Variants in KIAA0513 observed in about 807,000 individuals in gnomAD.
The protein encoded by KIAA0513 is KIAA0513.
Under a neutral mutation model 56.5 loss-of-function variants are expected in KIAA0513, and 39 were observed. The ratio of observed to expected loss-of-function variants is 0.69; its 90% CI spans 0.53 to 0.90. The LOEUF is 0.90. Ranked by LOEUF, KIAA0513 falls within the 40% of genes least tolerant of loss-of-function variation. The probability of loss-of-function intolerance (pLI) is 0.00; values close to 1 mark genes in which losing one functional copy is unlikely to be tolerated. For synonymous variants in KIAA0513, 268 were observed against 215.6 expected (o/e 1.24, Z -2.13); for missense variants, 591 against 535.2 (o/e 1.10, Z -1.03).
At chr16:85,067,888 G>A (rs1260854559) in intron 2 of KIAA0513, among the ~76,000 whole-genome samples, 2 of 151,660 alleles carry the variant, frequency 1.3e-5, no homozygotes, top group East Asian at 3.9e-4. Context: ...TCAGCTTAAT[G>A]CAAGCTCTGC....
At chr16:85,080,520 A>G (rs1456874417) in intron 8 of KIAA0513, among the ~76,000 whole-genome samples, 5 of 152,242 alleles carry the variant, frequency 3.3e-5, no homozygotes, top group Non-Finnish European at 1.5e-5. Context: ...TCTGCTGGGC[A>G]CAGTGGCTCA....
intron 1 of KIAA0513, among the ~76,000 whole-genome samples, chr16:85,029,035 G>A (rs796638465): frequency 5.3e-5 from 8 of 152,336 alleles, no homozygotes; most frequent in African/African-American, 1.7e-4. Flanking sequence ...GCATGTGAGC[G>A]TTCCTTCCTG....
At chr16:85,072,825 G>A in intron 3 of KIAA0513, 100 bp from the exon 4 acceptor site, 1 of 1,180,588 alleles carries the variant, frequency 8.5e-7, no homozygotes, top group Non-Finnish European at 1.3e-6. Context: ...CCCCATCCCA[G>A]CTGCATTTGG....
At chr16:85,084,331 T>C (rs1335424863) in intron 10 of KIAA0513, among the ~76,000 whole-genome samples, 3 of 150,716 alleles carry the variant, frequency 2.0e-5, no homozygotes, top group Admixed American at 1.3e-4. Flanking sequence ...CTGTAACCTC[T>C]GCCTCCCAGG....
intron 8 of KIAA0513, chr16:85,079,302 C>T (rs962179571): frequency 2.0e-5 from 8 of 394,308 alleles, no homozygotes; most frequent in African/African-American, 1.4e-4. Flanking sequence ...TCCTAGGAGT[C>T]GCCCAAGAGA....
At chr16:85,072,778 T>C (rs1597631221) in intron 3 of KIAA0513, 147 bp from the exon 4 acceptor site, 1 of 721,312 alleles carries the variant, frequency 1.4e-6, no homozygotes, top group Middle Eastern at 3.1e-4. Context: ...GCAGAAGGGG[T>C]GGGTTCTATA....
chr16:85,039,834 T>A (rs2143861140), intron 1 of KIAA0513, among the ~76,000 whole-genome samples: 1 of 149,690 alleles, frequency 6.7e-6, no homozygotes, highest in Admixed American at 6.6e-5. Flanking sequence ...AAGAAAGGTT[T>A]TCTTTTCTTT....
chr16:85,037,023 GAAT>G (rs2073045070), intron 1 of KIAA0513, among the ~76,000 whole-genome samples: 1 of 152,090 alleles, frequency 6.6e-6, no homozygotes. Context: ...AGCACTGTAG[GAAT>G]AATTTCTAGC....
At chr16:85,046,644 C>G (rs182382271) in intron 1 of KIAA0513, among the ~76,000 whole-genome samples, 15 of 152,348 alleles carry the variant, frequency 9.8e-5, no homozygotes, top group African/African-American at 3.6e-4. Flanking sequence ...CCAGAATGTG[C>G]TTGTCAGGAA....
At position 85,066,891 on chromosome 16, in the gene KIAA0513, C is replaced by G. The variant is rs1157298435; in HGVS notation, c.-172-9C>G. On this transcript the variant is annotated splice_polypyrimidine_tract_variant and intron_variant, in intron 1 of 12. Transcript: ENST00000683363. ...GGCGCTAATGTCTGTGTCTGTGTTT[C>G]CATTCTAGATGCCGTAGGGCCAGGT... 1.9e-6 allele frequency: 1 copy of G among 527,152 alleles called. No individual in the cohort carries two copies. The highest frequency in any genetic ancestry group is 1.9e-5 in the African/African-American group (1 of 52,040). The allele number at this position is 527,152 out of a possible 1,614,324, so 32.7% of individuals were successfully genotyped here.
At chr16:85,052,139 G>T (rs770041149) in intron 1 of KIAA0513, among the ~76,000 whole-genome samples, 1 of 152,044 alleles carries the variant, frequency 6.6e-6, no homozygotes, top group Non-Finnish European at 1.5e-5. Context: ...GGCCAACATG[G>T]TGAAACCCCG....
At position 85,088,534 on chromosome 16, in the gene KIAA0513, T is replaced by G. The variant is rs988372697; in HGVS notation, c.*209T>G. ...TGCGACCCCCATCCATGTGCCAAAG[T>G]GTCCCTTGGGTCACACAGCTAAAGC... On this transcript the variant is annotated 3_prime_UTR_variant, in exon 13 of 13. Transcript: ENST00000683363. The G allele has an allele frequency of 1.7e-6, 1 of 580,518 alleles. No homozygotes were observed. The highest frequency in any genetic ancestry group is 1.9e-5 in the African/African-American group (1 of 53,614). 36.0% of individuals were successfully genotyped at this position (580,518 alleles called of 1,614,324 possible). A position where few individuals can be genotyped will look rare whatever the true frequency, so the allele number is the denominator to read the frequency against.
At position 85,091,029 on chromosome 16, in the gene KIAA0513, C is replaced by T. The variant is rs2073862321; in HGVS notation, c.*2704C>T. 1 of 152,242 alleles carries T rather than the reference C, an allele frequency of 6.6e-6. No homozygotes were observed. Among genetic ancestry groups the T allele is most frequent in the African/African-American group, 2.4e-5 (1 of 41,458 alleles). The allele number at this position is 152,242 out of a possible 1,614,324, so 9.4% of individuals were successfully genotyped here. ...CCAGGGCCACCTGGGTGTAGGAGAG[C>T]TCTGGTGGCCCCTCCGTAAACTCAG... On this transcript the variant is annotated 3_prime_UTR_variant, in exon 13 of 13. Transcript: ENST00000683363.
intron 10 of KIAA0513, among the ~76,000 whole-genome samples, chr16:85,086,099 G>A (rs1330743940): frequency 3.9e-5 from 6 of 152,202 alleles, no homozygotes; most frequent in African/African-American, 7.2e-5. Context: ...GGCCCTCAGC[G>A]CCCTCAGCCT....
intron 10 of KIAA0513, among the ~76,000 whole-genome samples, chr16:85,085,518 G>T (rs777449255): frequency 3.5e-4 from 54 of 152,188 alleles, no homozygotes; most frequent in Non-Finnish European, 7.3e-5. Flanking sequence ...CATCCATCCA[G>T]TTTTCTTTTT....
chr16:85,084,994 G>A (rs1382386909), intron 10 of KIAA0513, among the ~76,000 whole-genome samples: 5 of 152,190 alleles, frequency 3.3e-5, no homozygotes, highest in Admixed American at 2.0e-4. Flanking sequence ...AAGAAGAATC[G>A]CCTCCTCATT....
At position 85,089,166 on chromosome 16, in the gene KIAA0513, A is replaced by G. The variant is rs1445012219; in HGVS notation, c.*841A>G. 6.6e-6 allele frequency: 1 copy of G among 152,246 alleles called. No homozygotes were observed. Among genetic ancestry groups the G allele is most frequent in the African/African-American group, 2.4e-5 (1 of 41,454 alleles). The allele number at this position is 152,246 out of a possible 1,614,324, so 9.4% of individuals were successfully genotyped here. On this transcript the variant is annotated 3_prime_UTR_variant, in exon 13 of 13. Transcript: ENST00000683363. This position sits in a 1 kb window ranked among gnomAD's most constrained non-coding sequence, Gnocchi z 4.2. ...CAGCGTTGTGCTGTGTGTCCCTCGC[A>G]AGAAGCACAGGAAAGAGAAGTTTCT...
intron 1 of KIAA0513, among the ~76,000 whole-genome samples, chr16:85,045,980 AC>A (rs1171926047): frequency 6.6e-6 from 1 of 151,990 alleles, no homozygotes; most frequent in Non-Finnish European, 1.5e-5. Context: ...AGGGACGACC[AC>A]CCGAGGAAGG....
intron 1 of KIAA0513, among the ~76,000 whole-genome samples, chr16:85,044,700 G>T (rs1036915377): frequency 4.0e-5 from 6 of 151,672 alleles, no homozygotes; most frequent in African/African-American, 1.2e-4. Flanking sequence ...AGAGACGGGG[G>T]TTTCACCATG....
Sources: allele counts gnomAD v4.1 joint callset (sites outside exome capture counted in the v4.1 genomes callset), GRCh38; gene constraint gnomAD v4.1.1; non-coding constraint Gnocchi (gnomAD v3.1); transcripts MANE v1.5; gene names NCBI Gene and HGNC (gene_info 2026-07-23, HGNC 2026-07-21).